CTBP2: variants seen among roughly 807,000 people sequenced by gnomAD.
CTBP2 encodes C-terminal binding protein 2.
CTBP2 carries 30 observed loss-of-function variants against 80.3 expected under a neutral mutation model. The observed-to-expected ratio is 0.37, with a 90% CI of 0.28 to 0.51. The LOEUF (loss-of-function observed/expected upper bound fraction) is 0.51, where lower values mean the gene tolerates loss of function less well. CTBP2 is among the 20% of genes least tolerant of loss of function. The probability of loss-of-function intolerance (pLI) is 0.93; values close to 1 mark genes in which losing one functional copy is unlikely to be tolerated. For synonymous variants in CTBP2, 594 were observed against 587.4 expected, an observed-to-expected ratio of 1.01 and a Z score of -0.16; for missense variants, 1,212 against 1,375.3, an observed-to-expected ratio of 0.88 and a Z score of 1.88.
chr10:124,991,851 T>C (rs1952666229), intron 8 of CTBP2, among the ~76,000 whole-genome samples: 2 of 126,106 alleles, frequency 1.6e-5, no homozygotes, highest in African/African-American at 2.9e-5. Context: ...CATTCATTTA[T>C]GCATGAGGGG....
intron 2 of CTBP2, among the ~76,000 whole-genome samples, chr10:125,108,759 T>C (rs941066727): frequency 2.6e-5 from 4 of 152,238 alleles, no homozygotes; most frequent in African/African-American, 7.2e-5. Context: ...ACACTCAGTG[T>C]GTGCGTGGGC....
intron 1 of CTBP2, chr10:125,005,599 C>A (rs758496081): frequency 1.9e-6 from 3 of 1,612,738 alleles, no homozygotes; most frequent in Non-Finnish European, 2.5e-6. Flanking sequence ...AAGCTGGATA[C>A]CCCCTCAGCT....
At chr10:125,122,480 C>A (rs866189405) in intron 1 of CTBP2, among the ~76,000 whole-genome samples, 4 of 152,202 alleles carry the variant, frequency 2.6e-5, no homozygotes, top group African/African-American at 9.6e-5. Flanking sequence ...CTAAAGAAAC[C>A]ATGCCAGCAC....
At chr10:125,110,042 G>A (rs1351505418) in intron 2 of CTBP2, among the ~76,000 whole-genome samples, 1 of 152,180 alleles carries the variant, frequency 6.6e-6, no homozygotes, top group Non-Finnish European at 1.5e-5. Flanking sequence ...TCACCCATGT[G>A]TGCCCCTGGG....
intron 1 of CTBP2, among the ~76,000 whole-genome samples, chr10:125,112,219 T>G (rs1308138827): frequency 6.7e-6 from 1 of 149,704 alleles, no homozygotes; most frequent in African/African-American, 2.5e-5. Flanking sequence ...TTCAGGCAAT[T>G]CTCCTGCCTC....
At chr10:125,037,534 T>C (rs1356538159) in intron 3 of CTBP2, among the ~76,000 whole-genome samples, 2 of 152,144 alleles carry the variant, frequency 1.3e-5, no homozygotes, top group Non-Finnish European at 2.9e-5. Flanking sequence ...AGTCTACAAA[T>C]CAATGGGGCC....
intron 1 of CTBP2, among the ~76,000 whole-genome samples, chr10:125,140,097 G>A (rs1406138082): frequency 6.6e-6 from 1 of 152,192 alleles, no homozygotes; most frequent in East Asian, 1.9e-4. Context: ...ACACTACACT[G>A]GGAAGCCCCG....
chr10:125,055,134 TG>T (rs1243813452), intron 2 of CTBP2, among the ~76,000 whole-genome samples: 21 of 152,196 alleles, frequency 1.4e-4, no homozygotes, highest in African/African-American at 4.8e-4. Flanking sequence ...GGTAATTCAC[TG>T]GGTAAACAGA....
intron 2 of CTBP2, among the ~76,000 whole-genome samples, chr10:125,039,944 T>G (rs975467925): frequency 6.6e-6 from 1 of 152,070 alleles, no homozygotes. Context: ...CCCATGTGGT[T>G]TGGGGTATGT....
chr10:125,008,137 G>T (rs1418191747), intron 1 of CTBP2, among the ~76,000 whole-genome samples: 1 of 152,174 alleles, frequency 6.6e-6, no homozygotes, highest in Admixed American at 6.5e-5. Context: ...GCAGAGACAG[G>T]GTTTCGCGAT....
intron 1 of CTBP2, among the ~76,000 whole-genome samples, chr10:125,006,185 G>C (rs182062721): frequency 6.6e-6 from 1 of 152,120 alleles, no homozygotes; most frequent in African/African-American, 2.4e-5. Context: ...AGGCTGGCCC[G>C]AGACCTGTCC....
chr10:125,109,101 G>GAAAGTGTCCTCATTCAACC (rs1851895226), intron 2 of CTBP2, among the ~76,000 whole-genome samples: 1 of 152,236 alleles, frequency 6.6e-6, no homozygotes, highest in Non-Finnish European at 1.5e-5. Context: ...TGAGTCAAAT[G>GAAAGTGTCCTCATTCAACC]AAAGTGTCCT....
intron 1 of CTBP2, among the ~76,000 whole-genome samples, chr10:125,004,119 A>G (rs1285445944): frequency 6.6e-6 from 1 of 152,198 alleles, no homozygotes; most frequent in Non-Finnish European, 1.5e-5. Flanking sequence ...TGGTGCTGCC[A>G]ACAAGGTGAA....
chr10:124,996,837 ATC>A (rs1314950040), intron 4 of CTBP2: 2 of 152,188 alleles, frequency 1.3e-5, no homozygotes, highest in Non-Finnish European at 2.9e-5. Flanking sequence ...CACACACCAC[ATC>A]TGTTTTCCAA....
At chr10:125,144,181 C>A in intron 1 of CTBP2, among the ~76,000 whole-genome samples, 1 of 152,226 alleles carries the variant, frequency 6.6e-6, no homozygotes, top group East Asian at 1.9e-4. Flanking sequence ...GGGACTCCCA[C>A]CAAAGGCTCC....
intron 2 of CTBP2, among the ~76,000 whole-genome samples, chr10:125,040,874 A>AG (rs1180540335): frequency 6.6e-6 from 1 of 152,250 alleles, no homozygotes; most frequent in African/African-American, 2.4e-5. Flanking sequence ...TCTCCATAAA[A>AG]GAGCTACGAA....
chr10:125,145,935 T>A (rs1037737237), intron 1 of CTBP2, among the ~76,000 whole-genome samples: 8 of 151,734 alleles, frequency 5.3e-5, no homozygotes, highest in African/African-American at 1.9e-4. Context: ...TTTTTTTTTT[T>A]AATTTGAGAC....
chr10:125,110,589 T>C (rs989222944), intron 2 of CTBP2, among the ~76,000 whole-genome samples: 4 of 152,244 alleles, frequency 2.6e-5, no homozygotes, highest in Non-Finnish European at 4.4e-5. Flanking sequence ...CATCCATCTA[T>C]CACTTATGAC....
intron 1 of CTBP2, among the ~76,000 whole-genome samples, chr10:125,014,604 C>T (rs1012191642): frequency 6.6e-6 from 1 of 152,254 alleles, no homozygotes; most frequent in South Asian, 2.1e-4. Context: ...GGCCTCCTGG[C>T]AAATGGCCCA....
Sources: gnomAD v4.1 joint callset for allele counts (sites outside exome capture counted in the v4.1 genomes callset) on GRCh38, gnomAD v4.1.1 for gene constraint, MANE v1.5 for transcripts, NCBI Gene and HGNC (gene_info 2026-07-23, HGNC 2026-07-21) for gene names.